The following ETV6 variants were observed in gnomAD, a reference collection of about 807,000 sequenced individuals.
The protein encoded by ETV6 is transcription factor ETV6.
Under a neutral mutation model 51.1 loss-of-function variants are expected in ETV6, and 16 were observed. The observed-to-expected ratio is 0.31, with a 90% CI of 0.21 to 0.48. The LOEUF (loss-of-function observed/expected upper bound fraction) is 0.48, where lower values mean the gene tolerates loss of function less well. Ranked by LOEUF, ETV6 falls within the 20% of genes least tolerant of loss-of-function variation. The pLI, the probability that ETV6 is intolerant of heterozygous loss-of-function variation, is 0.99. For synonymous variants in ETV6, 240 were observed against 224.1 expected (o/e 1.07, Z -0.64); for missense variants, 458 against 594.8 (o/e 0.77, Z 2.39).
chr12:11,892,343 G>A lies in ETV6; in HGVS notation c.*1297G>A, dbSNP rs908441479. 4.3e-6 allele frequency: 1 copy of A among 232,760 alleles called. No homozygotes were observed. The highest frequency in any genetic ancestry group is 8.5e-6 in the Non-Finnish European group (1 of 117,940). The allele number at this position is 232,760 out of a possible 1,614,324, so 14.4% of individuals were successfully genotyped here. On this transcript the variant is annotated 3_prime_UTR_variant, in exon 8 of 8. Coordinates refer to ENST00000396373, the MANE Select transcript of ETV6 (RefSeq NM_001987.5). Reference sequence around the variant, plus strand: ...TGCAATCAGTGTGTGCCCAGCCTGGGCAGACAGGAAATTCCTCGGATACAT... The same window carrying A: ...TGCAATCAGTGTGTGCCCAGCCTGGACAGACAGGAAATTCCTCGGATACAT...
At chr12:11,678,210 C>A (rs1315172168) in intron 1 of ETV6, among the ~76,000 whole-genome samples, 1 of 152,056 alleles carries the variant, frequency 6.6e-6, no homozygotes. Flanking sequence ...GCTTTGAGGC[C>A]CTGGAGATCA....
At chr12:11,716,086 C>T (rs1001494715) in intron 1 of ETV6, among the ~76,000 whole-genome samples, 2 of 151,974 alleles carry the variant, frequency 1.3e-5, no homozygotes, top group Admixed American at 6.5e-5. Context: ...TGGGGCCGGG[C>T]GCGGTGGCTG....
chr12:11,750,856 C>A (rs776119783), intron 1 of ETV6: 1 of 481,348 alleles, frequency 2.1e-6, no homozygotes, highest in South Asian at 1.5e-5. Flanking sequence ...AAAGTATAAC[C>A]CATCCTTCAA....
At chr12:11,880,068 G>C (rs1591745571) in intron 5 of ETV6, among the ~76,000 whole-genome samples, 1 of 145,234 alleles carries the variant, frequency 6.9e-6, no homozygotes, top group South Asian at 2.2e-4. Flanking sequence ...AAAATCTATT[G>C]TGTGGTCAGG....
intron 2 of ETV6, among the ~76,000 whole-genome samples, chr12:11,768,241 C>G (rs1318997583): frequency 6.6e-6 from 1 of 152,128 alleles, no homozygotes; most frequent in Non-Finnish European, 1.5e-5. Context: ...GTCTTCTAAG[C>G]ACGCTTTTTG....
intron 1 of ETV6, among the ~76,000 whole-genome samples, chr12:11,709,532 A>C (rs145838096): frequency 0.011 from 1,674 of 152,284 alleles, 17 homozygotes; most frequent in African/African-American, 0.025. Context: ...GAAATCTAGT[A>C]ATTGTGATAT....
At position 11,892,849 on chromosome 12, in the gene ETV6, A is replaced by C. The variant is rs1947316434; in HGVS notation, c.*1803A>C. 4.3e-6 allele frequency: 1 copy of C among 232,948 alleles called. No homozygotes were observed. Among genetic ancestry groups the C allele is most frequent in the Admixed American group, 5.6e-5 (1 of 17,766 alleles). 14.4% of individuals were successfully genotyped at this position (232,948 alleles called of 1,614,324 possible). ...AAGGACACCAACCTAGGGTGCAAAC[A>C]GATGGACTATGGTTCAAGGACACTG... is the stretch of plus-strand genomic sequence containing the variant. On this transcript the variant is annotated 3_prime_UTR_variant, in exon 8 of 8. Transcript: ENST00000396373.
intron 5 of ETV6, among the ~76,000 whole-genome samples, chr12:11,875,224 A>G (rs1157659265): frequency 1.3e-5 from 2 of 152,212 alleles, no homozygotes; most frequent in African/African-American, 4.8e-5. Context: ...TTTGCAAAGG[A>G]TAAGGAGAAC....
At chr12:11,691,161 GA>G (rs1864754101) in intron 1 of ETV6, among the ~76,000 whole-genome samples, 1 of 151,930 alleles carries the variant, frequency 6.6e-6, no homozygotes, top group Non-Finnish European at 1.5e-5. Flanking sequence ...TCTTTTATAC[GA>G]ACCTAAATCC....
At chr12:11,862,005 C>T (rs1227003868) in intron 4 of ETV6, among the ~76,000 whole-genome samples, 2 of 152,172 alleles carry the variant, frequency 1.3e-5, no homozygotes, top group African/African-American at 4.8e-5. Context: ...TGTGAGGCCT[C>T]CTGTGTCAGC....
At chr12:11,736,294 A>G (rs1033055957) in intron 1 of ETV6, among the ~76,000 whole-genome samples, 1 of 152,206 alleles carries the variant, frequency 6.6e-6, no homozygotes, top group Non-Finnish European at 1.5e-5. Flanking sequence ...GGGCAGTCTT[A>G]AAAAACACAC....
At position 11,893,361 on chromosome 12, in the gene ETV6, A is replaced by G. The variant is rs1409110138; in HGVS notation, c.*2315A>G. The G allele has an allele frequency of 4.3e-6, 1 of 232,070 alleles. No individual in the cohort carries two copies. Among genetic ancestry groups the G allele is most frequent in the East Asian group, 6.1e-5 (1 of 16,420 alleles). 14.4% of individuals were successfully genotyped at this position (232,070 alleles called of 1,614,324 possible). A position where few individuals can be genotyped will look rare whatever the true frequency, so the allele number is the denominator to read the frequency against. Reference sequence around the variant, plus strand: ...AACTCAGTCTCTTACTGTTCAAAGAATCTTAACAGTTGAATTATGGAGGGA... The same window carrying G: ...AACTCAGTCTCTTACTGTTCAAAGAGTCTTAACAGTTGAATTATGGAGGGA... On this transcript the variant is annotated 3_prime_UTR_variant, in exon 8 of 8. Transcript: ENST00000396373.
intron 2 of ETV6, among the ~76,000 whole-genome samples, chr12:11,807,014 A>C (rs1020337480): frequency 3.9e-5 from 6 of 152,264 alleles, no homozygotes; most frequent in Non-Finnish European, 8.8e-5. Flanking sequence ...CAGAATTGTC[A>C]CATTGAAGAT....
intron 1 of ETV6, among the ~76,000 whole-genome samples, chr12:11,700,602 A>G (rs1169712129): frequency 2.6e-5 from 4 of 152,186 alleles, no homozygotes; most frequent in Admixed American, 1.3e-4. Flanking sequence ...TTTGTTTGTT[A>G]TATGTATTAT....
At chr12:11,734,717 G>A (rs912898588) in intron 1 of ETV6, among the ~76,000 whole-genome samples, 2 of 152,078 alleles carry the variant, frequency 1.3e-5, no homozygotes, top group Non-Finnish European at 2.9e-5. Context: ...CAGTAGGGCC[G>A]GTGTTGCTAT....
intron 2 of ETV6, among the ~76,000 whole-genome samples, chr12:11,773,673 A>G (rs1308382483): frequency 6.6e-6 from 1 of 152,228 alleles, no homozygotes; most frequent in African/African-American, 2.4e-5. Context: ...TTTCAGAAAT[A>G]AGCAGGGTTC....
At chr12:11,689,695 T>C (rs1864711757) in intron 1 of ETV6, among the ~76,000 whole-genome samples, 1 of 152,214 alleles carries the variant, frequency 6.6e-6, no homozygotes, top group South Asian at 2.1e-4. Context: ...AAGCGGGAGC[T>C]TTCTGCCATG....
At chr12:11,746,588 C>T (rs1270668492) in intron 1 of ETV6, among the ~76,000 whole-genome samples, 1 of 152,052 alleles carries the variant, frequency 6.6e-6, no homozygotes, top group African/African-American at 2.4e-5. Flanking sequence ...GGTAAAAGGA[C>T]ACGGAACTTT....
At chr12:11,703,858 A>G (rs1478868950) in intron 1 of ETV6, among the ~76,000 whole-genome samples, 1 of 152,238 alleles carries the variant, frequency 6.6e-6, no homozygotes, top group East Asian at 1.9e-4. Flanking sequence ...AGAGATAAGT[A>G]ATTGACTGAC....
Sources: gnomAD v4.1 joint callset for allele counts (sites outside exome capture counted in the v4.1 genomes callset) on GRCh38, gnomAD v4.1.1 for gene constraint, MANE v1.5 for transcripts, NCBI Gene and HGNC (gene_info 2026-07-23, HGNC 2026-07-21) for gene names.